PHLDB2: variants seen among roughly 807,000 people sequenced by gnomAD.
PHLDB2 encodes pleckstrin homology-like domain family B member 2.
In PHLDB2, 71 loss-of-function variants were observed where a neutral mutation model predicts 123.6. The ratio of observed to expected loss-of-function variants is 0.57; its 90% CI spans 0.47 to 0.70. The LOEUF is 0.70. Among genes scored for constraint, PHLDB2 ranks in the 30% least tolerant of loss-of-function variants. PHLDB2 has a pLI of 0.00. For synonymous variants in PHLDB2, 547 were observed against 541.6 expected (o/e 1.01, Z -0.14); for missense variants, 1,446 against 1,519.5 (o/e 0.95, Z 0.80).
chr3:111,802,222 T>C (rs1031920262), intron 1 of PHLDB2, among the ~76,000 whole-genome samples: 1 of 152,190 alleles, frequency 6.6e-6, no homozygotes, highest in Non-Finnish European at 1.5e-5. Context: ...TATGGCTCCA[T>C]GGAGCACTGT....
At chr3:111,939,259 T>C (rs1409995953) in intron 6 of PHLDB2, among the ~76,000 whole-genome samples, 1 of 152,160 alleles carries the variant, frequency 6.6e-6, no homozygotes, top group Non-Finnish European at 1.5e-5. Context: ...CACAGAGAAG[T>C]CTAAAACTGA....
intron 1 of PHLDB2, among the ~76,000 whole-genome samples, chr3:111,757,687 T>C (rs1397885564): frequency 6.6e-6 from 1 of 152,224 alleles, no homozygotes; most frequent in Non-Finnish European, 1.5e-5. Flanking sequence ...CTCTGTTTTT[T>C]CCCCATCTTT....
intron 1 of PHLDB2, among the ~76,000 whole-genome samples, chr3:111,776,362 A>G (rs1040102550): frequency 2.0e-5 from 3 of 152,172 alleles, no homozygotes; most frequent in African/African-American, 7.2e-5. Context: ...ATTTTAATAT[A>G]AGAAATTCCC....
chr3:111,864,008 C>T (rs1017394492), intron 1 of PHLDB2, among the ~76,000 whole-genome samples: 1 of 152,074 alleles, frequency 6.6e-6, no homozygotes, highest in African/African-American at 2.4e-5. Flanking sequence ...CAGGTTCTGG[C>T]CATATAGGAA....
intron 2 of PHLDB2, among the ~76,000 whole-genome samples, chr3:111,889,518 A>G (rs1452869760): frequency 6.6e-6 from 1 of 152,072 alleles, no homozygotes; most frequent in Non-Finnish European, 1.5e-5. Context: ...CCCGGGCAAC[A>G]TGGCAAAACC....
intron 1 of PHLDB2, chr3:111,845,703 T>A: frequency 8.7e-7 from 1 of 1,152,312 alleles, no homozygotes. Context: ...TCAGCAGTAG[T>A]TAGTTTCCCC....
rs2072047482 is a variant in PHLDB2 at position 111,969,850 on chromosome 3, C to T, written c.3476C>T (p.Thr1159Met). The T allele has an allele frequency of 1.2e-5, 20 of 1,614,012 alleles. No individual in the cohort carries two copies. The highest frequency in any genetic ancestry group is 1.6e-5 in the Non-Finnish European group (19 of 1,179,914). ...FLIKMGGKIK[T>M]WKKRWFVFDR... ...ATCAAAATGGGTGGGAAAATTAAAA[C>T]GTGGAAAAAACGTTGGTTTGTTTTT... is the stretch of plus-strand genomic sequence containing the variant. Residue 1159 changes from threonine (T) to methionine (M), a missense_variant, in exon 16 of 18, where the codon ACG becomes ATG. Coordinates refer to ENST00000431670, the MANE Select transcript of PHLDB2 (RefSeq NM_001134438.2).
At chr3:111,875,922 G>C (rs1228696479) in intron 1 of PHLDB2, among the ~76,000 whole-genome samples, 1 of 150,696 alleles carries the variant, frequency 6.6e-6, no homozygotes, top group Non-Finnish European at 1.5e-5. Context: ...TTTCCTGGTT[G>C]TCAAAATGGT....
chr3:111,759,092 T>C (rs1418338114), intron 1 of PHLDB2, among the ~76,000 whole-genome samples: 1 of 151,906 alleles, frequency 6.6e-6, no homozygotes, highest in Non-Finnish European at 1.5e-5. Flanking sequence ...TGTAATTATA[T>C]ATGTGCATAA....
chr3:111,933,989 T>C (rs936073783), intron 6 of PHLDB2, among the ~76,000 whole-genome samples: 2 of 152,214 alleles, frequency 1.3e-5, no homozygotes, highest in African/African-American at 4.8e-5. Context: ...TTAACATAAA[T>C]ACTGTTTAGC....
intron 1 of PHLDB2, among the ~76,000 whole-genome samples, chr3:111,829,444 T>C (rs953783854): frequency 5.0e-5 from 7 of 140,154 alleles, no homozygotes; most frequent in Admixed American, 8.5e-5. Context: ...ATATTTCTTT[T>C]TCTTTTTCTT....
chr3:111,775,445 C>T (rs1170933505), intron 1 of PHLDB2, among the ~76,000 whole-genome samples: 3 of 152,220 alleles, frequency 2.0e-5, no homozygotes, highest in South Asian at 4.2e-4. Context: ...GGATGCAGAG[C>T]ACGTATGCTG....
At chr3:111,739,802 C>T (rs1411072330) in intron 1 of PHLDB2, among the ~76,000 whole-genome samples, 1 of 151,870 alleles carries the variant, frequency 6.6e-6, no homozygotes, top group Non-Finnish European at 1.5e-5. Context: ...GAAGAGAGGG[C>T]ATATCAAAGA....
At chr3:111,832,817 A>T (rs193142299) in intron 1 of PHLDB2, among the ~76,000 whole-genome samples, 11 of 66,520 alleles carry the variant, frequency 1.7e-4, no homozygotes, top group East Asian at 5.0e-4. Context: ...TTATACATAT[A>T]ATATATATAA....
upstream of PHLDB2, among the ~76,000 whole-genome samples, chr3:111,855,735 TTC>T (rs1361190258): frequency 6.7e-6 from 1 of 148,866 alleles, no homozygotes; most frequent in Non-Finnish European, 1.5e-5. Flanking sequence ...TCTCAGGTGA[TTC>T]TCCCACCTCA....
chr3:111,921,604 CT>C (rs368628355), intron 5 of PHLDB2, among the ~76,000 whole-genome samples: 61 of 132,220 alleles, frequency 4.6e-4, no homozygotes, highest in South Asian at 4.0e-3. Context: ...TGCCCCCAGA[CT>C]TTTTTTTTTT....
chr3:111,746,522 G>A (rs1417269801), intron 1 of PHLDB2, among the ~76,000 whole-genome samples: 1 of 152,298 alleles, frequency 6.6e-6, no homozygotes, highest in Admixed American at 6.5e-5. Flanking sequence ...CAGTACTTTG[G>A]GAGGCCAAGT....
At chr3:111,895,738 A>G (rs1177117104) in intron 2 of PHLDB2, among the ~76,000 whole-genome samples, 1 of 152,178 alleles carries the variant, frequency 6.6e-6, no homozygotes, top group Non-Finnish European at 1.5e-5. Flanking sequence ...AATCCCAGCT[A>G]CTTCGGAGGC....
At chr3:111,817,746 C>T (rs1034277577) in intron 1 of PHLDB2, among the ~76,000 whole-genome samples, 1 of 152,138 alleles carries the variant, frequency 6.6e-6, no homozygotes, top group African/African-American at 2.4e-5. Flanking sequence ...GTGCTGGAGA[C>T]CATGACTTCT....
Sources: allele counts gnomAD v4.1 joint callset (sites outside exome capture counted in the v4.1 genomes callset), GRCh38; gene constraint gnomAD v4.1.1; transcripts MANE v1.5; gene names NCBI Gene and HGNC (gene_info 2026-07-23, HGNC 2026-07-21).